Variants in CFAP20DC observed in about 807,000 individuals in gnomAD.
The protein encoded by CFAP20DC is CFAP20 domain containing.
Under a neutral mutation model 101.7 loss-of-function variants are expected in CFAP20DC, and 84 were observed. The observed-to-expected ratio is 0.83, with a 90% CI of 0.69 to 0.99. The LOEUF (loss-of-function observed/expected upper bound fraction) is 0.99, where lower values mean the gene tolerates loss of function less well. Ranked by LOEUF, CFAP20DC falls within the 50% of genes least tolerant of loss-of-function variation. The probability of loss-of-function intolerance (pLI) is 0.00; values close to 1 mark genes in which losing one functional copy is unlikely to be tolerated. For missense variants in CFAP20DC, 1,007 were observed against 970.3 expected (o/e 1.04, Z -0.50); for synonymous variants, 359 against 351.2 (o/e 1.02, Z -0.25).
intron 14 of CFAP20DC, among the ~76,000 whole-genome samples, chr3:58,821,566 A>G (rs535330460): frequency 3.3e-5 from 5 of 150,470 alleles, no homozygotes; most frequent in Admixed American, 6.6e-5. Flanking sequence ...ACTGGCCATC[A>G]GAGAAATGCA....
chr3:58,793,520 G>A (rs147194543), intron 15 of CFAP20DC, among the ~76,000 whole-genome samples: 95 of 152,182 alleles, frequency 6.2e-4, no homozygotes, highest in East Asian at 4.6e-3. Flanking sequence ...CAATAGGAGT[G>A]TTGTTGAAAA....
At chr3:59,049,026 C>G (rs938282249) in intron 1 of CFAP20DC, among the ~76,000 whole-genome samples, 2 of 152,150 alleles carry the variant, frequency 1.3e-5, no homozygotes, top group African/African-American at 4.8e-5. Flanking sequence ...GACCCCCATC[C>G]AGAGATTCGG....
intron 1 of CFAP20DC, among the ~76,000 whole-genome samples, chr3:59,047,579 T>C (rs1158146726): frequency 6.6e-6 from 1 of 152,208 alleles, no homozygotes; most frequent in African/African-American, 2.4e-5. Flanking sequence ...ACATTTTATG[T>C]TTTACAGACT....
chr3:59,032,452 G>C (rs2094014008), intron 4 of CFAP20DC, among the ~76,000 whole-genome samples: 1 of 152,210 alleles, frequency 6.6e-6, no homozygotes, highest in Non-Finnish European at 1.5e-5. Flanking sequence ...CCACTGGCTT[G>C]AAATTCTCGC....
Position 58,871,813 on chromosome 3 carries a change from C to A in CFAP20DC, c.716-1504G>T, listed in dbSNP as rs151338801. ...AAAGTGTTGGGATTATGGGTGTGAG[C>A]CACCGCACCTGGCCCCATAGGATTG... On this transcript the variant is annotated intron_variant, in intron 7 of 16. Transcript: ENST00000482387. Among the ~76,000 whole-genome samples the A allele has an allele frequency of 1.4e-3, 217 of 152,238 alleles. 2 individuals carry two copies. Among genetic ancestry groups the A allele is most frequent in the African/African-American group, 4.9e-3 (202 of 41,544 alleles).
In CFAP20DC at chr3:58,877,809, T is replaced by C. The variant is rs554459576; in HGVS notation, c.715+6736A>G. ...AAAACTGGGTTTATTAATGATTGTA[T>C]AGATAAGTATTGAAACTGCACGAAT... On this transcript the variant is annotated intron_variant, in intron 7 of 16. Transcript: ENST00000482387. 2.0e-5 allele frequency among the ~76,000 whole-genome samples: 3 copies of C among 152,298 alleles called. No individual in the cohort carries two copies. In the South Asian group the frequency reaches 6.2e-4, roughly 32 times the overall value.
chr3:58,776,139 G>T (rs1413558112), intron 15 of CFAP20DC, among the ~76,000 whole-genome samples: 4 of 152,052 alleles, frequency 2.6e-5, no homozygotes, highest in Admixed American at 6.5e-5. Context: ...CCAATATGGG[G>T]GTGAGCATGA....
intron 15 of CFAP20DC, among the ~76,000 whole-genome samples, chr3:58,761,473 T>A (rs907842507): frequency 6.6e-6 from 1 of 152,222 alleles, no homozygotes; most frequent in African/African-American, 2.4e-5. Context: ...TTGTTGATCT[T>A]CTCAAAAAAC....
chr3:58,908,550 G>C (rs2083831408), intron 6 of CFAP20DC, among the ~76,000 whole-genome samples: 1 of 152,120 alleles, frequency 6.6e-6, no homozygotes, highest in South Asian at 2.1e-4. Context: ...TCACTGCTGG[G>C]GGAAATGAAA....
At chr3:58,808,745 C>A (rs1238232543) in intron 14 of CFAP20DC, among the ~76,000 whole-genome samples, 1 of 152,136 alleles carries the variant, frequency 6.6e-6, no homozygotes, top group Non-Finnish European at 1.5e-5. Context: ...GGACTAAATG[C>A]TCCAATTAAA....
intron 12 of CFAP20DC, among the ~76,000 whole-genome samples, chr3:58,853,020 C>T (rs895392630): frequency 6.6e-6 from 1 of 152,062 alleles, no homozygotes; most frequent in African/African-American, 2.4e-5. Flanking sequence ...CACAAAAAAC[C>T]CTTCAAAAAT....
Position 58,863,456 on chromosome 3 carries a change from TAGC to T in CFAP20DC, c.1593+99_1593+101del. The T allele has an allele frequency of 6.6e-7, 1 of 1,511,540 alleles. No individual in the cohort carries two copies. The highest frequency in any genetic ancestry group is 1.4e-5 in the African/African-American group (1 of 72,274). The allele number at this position is 1,511,540 out of a possible 1,614,324, so 93.6% of individuals were successfully genotyped here. ...TGGCAATCTGTTGCATTTTTATAAA[TAGC>T]AGTTGATTTTCCCTCTTTCATTTCA... On this transcript the variant is annotated intron_variant, in intron 12 of 16. Transcript: ENST00000482387. The surrounding 1 kb of genome is among the most constrained non-coding windows in gnomAD (Gnocchi z 5.9).
chr3:58,876,211 T>C (rs1185857407), intron 7 of CFAP20DC, among the ~76,000 whole-genome samples: 2 of 152,158 alleles, frequency 1.3e-5, no homozygotes, highest in African/African-American at 4.8e-5. Flanking sequence ...AAGTCCTGCT[T>C]CACTTTAAAA....
intron 4 of CFAP20DC, among the ~76,000 whole-genome samples, chr3:59,000,222 T>C (rs970849262): frequency 3.3e-5 from 5 of 152,220 alleles, no homozygotes; most frequent in African/African-American, 9.6e-5. Flanking sequence ...CAAATAAACA[T>C]CTTTTCTTTT....
intron 4 of CFAP20DC, among the ~76,000 whole-genome samples, chr3:59,026,641 T>A (rs1286171126): frequency 6.6e-6 from 1 of 152,120 alleles, no homozygotes; most frequent in Non-Finnish European, 1.5e-5. Context: ...ACCGATGACA[T>A]ATGAAAAGAT....
At chr3:59,039,131 G>A (rs1313802981) in intron 4 of CFAP20DC, among the ~76,000 whole-genome samples, 1 of 151,944 alleles carries the variant, frequency 6.6e-6, no homozygotes, top group African/African-American at 2.4e-5. Flanking sequence ...TATGTAAATA[G>A]GAAGGAGTAA....
chr3:58,792,911 G>A (rs1214299696), intron 15 of CFAP20DC, among the ~76,000 whole-genome samples: 3 of 152,022 alleles, frequency 2.0e-5, no homozygotes, highest in East Asian at 1.9e-4. Context: ...TAATTAAAAT[G>A]TATATTACAA....
In CFAP20DC at chr3:58,742,245, T is replaced by C. The variant is rs549956534; in HGVS notation, c.*215A>G. The C allele has an allele frequency of 2.7e-6, 3 of 1,106,400 alleles. No individual in the cohort carries two copies. The highest frequency in any genetic ancestry group is 9.2e-5 in the East Asian group (2 of 21,780). 68.5% of individuals were successfully genotyped at this position (1,106,400 alleles called of 1,614,324 possible). On this transcript the variant is annotated 3_prime_UTR_variant, in exon 17 of 17. Transcript: ENST00000482387. ...ATTCAAACTCCTAAAATCTTGCCTC[T>C]GTATTAATTTCTTCAGTTTCAAAAT...
rs778190815 is a variant in CFAP20DC at position 58,869,337 on chromosome 3, G to C, written c.1006C>G (p.Pro336Ala). 11 of 1,611,598 alleles carry C rather than the reference G, an allele frequency of 6.8e-6. No homozygotes were observed. ...ENIHQIKQTV[P>A]IHAANLHIMH... ...CATGATTATTTCTTACCATGAATAG[G>C]TACAGTCTGCTTTATTTGGTGAATA... Residue 336 changes from proline to alanine, a missense_variant, in exon 9 of 17, where the codon CCT (proline) becomes GCT (alanine). Pro to Ala is a conservative substitution (Grantham distance 27). Coordinates refer to ENST00000482387, the MANE Select transcript of CFAP20DC (RefSeq NM_001394063.1). This position sits in a 1 kb window ranked among gnomAD's most constrained non-coding sequence, Gnocchi z 4.3.
Sources: gnomAD v4.1 joint callset for allele counts (sites outside exome capture counted in the v4.1 genomes callset) on GRCh38, gnomAD v4.1.1 for gene constraint, Gnocchi (gnomAD v3.1) non-coding constraint, MANE v1.5 for transcripts, NCBI Gene and HGNC (gene_info 2026-07-23, HGNC 2026-07-21) for gene names.